The following ANO4 variants were observed in gnomAD, a reference collection of about 807,000 sequenced individuals.
The protein encoded by ANO4 is anoctamin-4.
Under a neutral mutation model 141.9 loss-of-function variants are expected in ANO4, and 69 were observed. The ratio of observed to expected loss-of-function variants is 0.49; its 90% CI spans 0.40 to 0.59. ANO4 has a LOEUF of 0.59. Among genes scored for constraint, ANO4 ranks in the 20% least tolerant of loss-of-function variants. The pLI is 0.00. For missense variants in ANO4, 894 were observed against 1,162.2 expected (o/e 0.77, Z 3.36); for synonymous variants, 350 against 394.3 (o/e 0.89, Z 1.33).
chr12:101,033,963 G>A (rs1470189483), intron 9 of ANO4, among the ~76,000 whole-genome samples: 1 of 152,144 alleles, frequency 6.6e-6, no homozygotes, highest in Non-Finnish European at 1.5e-5. Context: ...AGTCAGAATG[G>A]CGATTATTTA....
At chr12:100,778,822 C>T (rs1299047618) in intron 3 of ANO4, among the ~76,000 whole-genome samples, 2 of 152,160 alleles carry the variant, frequency 1.3e-5, no homozygotes, top group African/African-American at 4.8e-5. Flanking sequence ...AGTGAACACC[C>T]GCCACGTAGA....
At chr12:100,777,960 C>T (rs1241148938) in intron 3 of ANO4, among the ~76,000 whole-genome samples, 2 of 150,428 alleles carry the variant, frequency 1.3e-5, no homozygotes, top group Non-Finnish European at 3.0e-5. Flanking sequence ...GTCTCTGTCA[C>T]CCAGGCTGGA....
rs530385510 is a variant in ANO4 at position 101,117,113 on chromosome 12, A to G, written c.2570+315A>G. On this transcript the variant is annotated intron_variant, in intron 25 of 27. Coordinates refer to ENST00000392977, the MANE Select transcript of ANO4 (RefSeq NM_001286615.2). ...CTGCTCCAGGGACTCAGGGACAGAC[A>G]ATCCCCAGGCGGGTTGAGCGACAGC... Among the ~76,000 whole-genome samples, 253 of 152,316 alleles carry G rather than the reference A, an allele frequency of 1.7e-3. 1 individual carries two copies. The highest frequency in any genetic ancestry group is 6.0e-3 in the African/African-American group (249 of 41,572).
intron 11 of ANO4, 136 bp from the exon 12 acceptor site, chr12:101,042,198 G>A: frequency 1.9e-6 from 2 of 1,062,220 alleles, no homozygotes; most frequent in Non-Finnish European, 2.7e-6. Context: ...TTGATGGGAT[G>A]TTCTTTTATC....
At chr12:101,066,876 C>T in intron 14 of ANO4, 3 of 1,072,830 alleles carry the variant, frequency 2.8e-6, no homozygotes, top group Non-Finnish European at 4.4e-6. Flanking sequence ...GTCAAATTTA[C>T]AGTGCACACA....
rs77542685 is a variant in ANO4 at position 100,935,761 on chromosome 12, T to G, written c.161-3554T>G. On this transcript the variant is annotated intron_variant, in intron 3 of 27. Coordinates refer to ENST00000392977, the MANE Select transcript of ANO4 (RefSeq NM_001286615.2). ...GTCTGCCCGTGGTAGGCACTGAATA[T>G]ACTTATTGATTAAAATTTATTTTAA... is the stretch of plus-strand genomic sequence containing the variant. Among the ~76,000 whole-genome samples, 755 of 152,334 alleles carry G rather than the reference T, an allele frequency of 5.0e-3. 7 individuals carry two copies. Among genetic ancestry groups the G allele is most frequent in the South Asian group, 0.018 (86 of 4,832 alleles).
rs560259585 is a variant in ANO4, at chr12:101,079,625, A to C, written c.1395+350A>C. Reference sequence around the variant, plus strand: ...GCATTCATTTGACATCTCCAGGTACATGGAAGCAATCCTTCCAAGAGAATT... The same window carrying C: ...GCATTCATTTGACATCTCCAGGTACCTGGAAGCAATCCTTCCAAGAGAATT... On this transcript the variant is annotated intron_variant, in intron 15 of 27. Transcript: ENST00000392977. Among the ~76,000 whole-genome samples the C allele has an allele frequency of 3.9e-5, 6 of 152,244 alleles. No homozygotes were observed. The South Asian group carries it at 1.2e-3, about 32-fold the overall frequency.
intron 1 of ANO4, among the ~76,000 whole-genome samples, chr12:100,885,917 T>A (rs539495790): frequency 6.6e-6 from 1 of 152,352 alleles, no homozygotes; most frequent in South Asian, 2.1e-4. Flanking sequence ...TTTGTTTGGA[T>A]GTCCCAGGGG....
At chr12:100,790,624 T>C (rs1178794114), upstream of ANO4, among the ~76,000 whole-genome samples, 1 of 151,402 alleles carries the variant, frequency 6.6e-6, no homozygotes, top group Non-Finnish European at 1.5e-5. Flanking sequence ...AGTCAGCCAC[T>C]GATTTATTTT....
At chr12:100,765,240 T>C (rs11616123) in intron 3 of ANO4, among the ~76,000 whole-genome samples, 94 of 152,310 alleles carry the variant, frequency 6.2e-4, no homozygotes, top group Non-Finnish European at 1.2e-3. Flanking sequence ...TATAATTATC[T>C]GTACTCTCTT....
chr12:100,806,461 TG>T (rs1269695532), intron 1 of ANO4, among the ~76,000 whole-genome samples: 1 of 151,408 alleles, frequency 6.6e-6, no homozygotes, highest in Non-Finnish European at 1.5e-5. Context: ...TCATGCCCTT[TG>T]CAGGCCCACT....
chr12:101,044,520 G>T (rs1319122543), intron 13 of ANO4, among the ~76,000 whole-genome samples: 1 of 152,170 alleles, frequency 6.6e-6, no homozygotes, highest in African/African-American at 2.4e-5. Context: ...CTTTTGGCTT[G>T]CCCAGATTCA....
chr12:100,775,847 A>G lies in ANO4; in HGVS notation c.358+35742A>G, dbSNP rs181037833. On this transcript the variant is annotated intron_variant, in intron 3 of 29. Coordinates refer to the ANO4 transcript ENST00000644049. ...TTTATTTGTATGTTTGTTTTTTAAG[A>G]AAAAAAAAACCTAGTGGCTTTCCCC... is the stretch of plus-strand genomic sequence containing the variant. Among the ~76,000 whole-genome samples the G allele has an allele frequency of 3.5e-3, 511 of 145,950 alleles. 5 individuals carry two copies. Among genetic ancestry groups the G allele is most frequent in the African/African-American group, 0.012 (467 of 37,742 alleles).
intron 1 of ANO4, among the ~76,000 whole-genome samples, chr12:100,854,854 T>C (rs998241998): frequency 6.6e-6 from 1 of 152,166 alleles, no homozygotes; most frequent in Non-Finnish European, 1.5e-5. Context: ...GCAGAAGTTT[T>C]GATAGTTGTT....
chr12:101,034,397 C>A (rs1434886845), intron 9 of ANO4, among the ~76,000 whole-genome samples: 3 of 152,090 alleles, frequency 2.0e-5, no homozygotes, highest in Non-Finnish European at 4.4e-5. Flanking sequence ...AACAGAAAAC[C>A]AAACACTGCA....
chr12:101,052,424 A>T (rs1018612665), intron 14 of ANO4, among the ~76,000 whole-genome samples: 2 of 152,082 alleles, frequency 1.3e-5, no homozygotes, highest in Admixed American at 6.6e-5. Flanking sequence ...GTTGGCAGAG[A>T]CCTGTCGGGG....
chr12:100,992,057 T>C (rs1289554185), intron 8 of ANO4, among the ~76,000 whole-genome samples: 2 of 152,202 alleles, frequency 1.3e-5, no homozygotes, highest in African/African-American at 2.4e-5. Context: ...GGATTGATGA[T>C]TTTACATCCT....
chr12:100,824,436 A>G (rs755679219), intron 1 of ANO4, among the ~76,000 whole-genome samples: 19 of 152,022 alleles, frequency 1.2e-4, no homozygotes, highest in Non-Finnish European at 1.9e-4. Context: ...AAACAAACAA[A>G]CAAAAAAAAA....
chr12:100,916,911 A>T (rs1225036458), intron 2 of ANO4, among the ~76,000 whole-genome samples: 1 of 151,856 alleles, frequency 6.6e-6, no homozygotes, highest in Non-Finnish European at 1.5e-5. Flanking sequence ...GATGCCCTGG[A>T]AGTTGAGGCT....
Sources: gnomAD v4.1 joint callset for allele counts (sites outside exome capture counted in the v4.1 genomes callset) on GRCh38, gnomAD v4.1.1 for gene constraint, MANE v1.5 for transcripts, NCBI Gene and HGNC (gene_info 2026-07-23, HGNC 2026-07-21) for gene names.